Variants in HTR2B observed in about 807,000 individuals in gnomAD.
HTR2B encodes the protein 5-HT 2B receptor.
HTR2B carries 31 observed loss-of-function variants against 39.8 expected under a neutral mutation model. The ratio of observed to expected loss-of-function variants is 0.78; its 90% CI spans 0.58 to 1.05. The LOEUF is 1.05. Ranked by LOEUF, HTR2B falls within the 50% of genes least tolerant of loss-of-function variation. The pLI is 0.00. For synonymous variants in HTR2B, 210 were observed against 207.1 expected (o/e 1.01, Z -0.12); for missense variants, 562 against 578.0 (o/e 0.97, Z 0.28).
At chr2:231,119,976 A>G (rs1186094872) in intron 2 of HTR2B, among the ~76,000 whole-genome samples, 2 of 146,824 alleles carry the variant, frequency 1.4e-5, no homozygotes, top group African/African-American at 2.5e-5. Flanking sequence ...TCCCTGAGAC[A>G]GAGCCTCACC....
chr2:231,110,792 A>G (rs1367293992), intron 3 of HTR2B, among the ~76,000 whole-genome samples: 2 of 152,190 alleles, frequency 1.3e-5, no homozygotes, highest in African/African-American at 4.8e-5. Flanking sequence ...TGCCACTCCC[A>G]TTTGTTAGTA....
intron 2 of HTR2B, among the ~76,000 whole-genome samples, chr2:231,117,792 G>A (rs1486761395): frequency 6.6e-6 from 1 of 152,064 alleles, no homozygotes; most frequent in Non-Finnish European, 1.5e-5. Context: ...ATAGGTTGAC[G>A]CACAAGTATT....
chr2:231,116,168 G>T (rs1328487363), intron 2 of HTR2B, among the ~76,000 whole-genome samples: 2 of 152,124 alleles, frequency 1.3e-5, no homozygotes, highest in Non-Finnish European at 2.9e-5. Flanking sequence ...AGTGGAAAAG[G>T]ACCTTGGACA....
rs148655405 is a variant in HTR2B, at chr2:231,120,475, A to T, written c.352+2938T>A. ...ATAAAAAACTACAACTGTAAAGATC[A>T]AGTCCAGTGCTCCCAGATAGGAAGA... is the stretch of plus-strand genomic sequence containing the variant. On this transcript the variant is annotated intron_variant, in intron 2 of 3. Coordinates refer to ENST00000258400, the MANE Select transcript of HTR2B (RefSeq NM_000867.5). Among the ~76,000 whole-genome samples, 213 of 152,346 alleles carry T rather than the reference A, an allele frequency of 1.4e-3. 1 individual carries two copies. Among genetic ancestry groups the T allele is most frequent in the African/African-American group, 4.6e-3 (193 of 41,588 alleles).
chr2:231,122,975 GT>G (rs1454242977), intron 2 of HTR2B, among the ~76,000 whole-genome samples: 1 of 152,128 alleles, frequency 6.6e-6, no homozygotes, highest in East Asian at 1.9e-4. Context: ...CTGGGGTTTA[GT>G]GATTTAAATT....
Position 231,108,835 on chromosome 2 carries a change from A to C in HTR2B, c.1128T>G (p.Asn376Lys), listed in dbSNP as rs778520272. ...TATTGAAGAGGGTGTAGACCAAAGG[A>C]TTCACTCCTGAGGAAACATAGCCTA... is the stretch of plus-strand genomic sequence containing the variant. The part of the protein sequence containing the change: ...VWIGYVSSGV[N>K]PLVYTLFNKT... The change falls in exon 4 of 4, where the codon AAT becomes AAG. Residue 376 changes from asparagine to lysine, a missense_variant. Transcript: ENST00000258400. The C allele has an allele frequency of 1.9e-6, 3 of 1,614,114 alleles. No individual in the cohort carries two copies. The Admixed American group carries it at 5.0e-5, about 27-fold the overall frequency.
At chr2:231,118,834 T>C (rs560581127) in intron 2 of HTR2B, among the ~76,000 whole-genome samples, 2 of 152,352 alleles carry the variant, frequency 1.3e-5, no homozygotes, top group South Asian at 4.1e-4. Flanking sequence ...CCAAGTGGGC[T>C]GTTCCTATAG....
At chr2:231,111,197 AATT>A (rs953875276) in intron 3 of HTR2B, among the ~76,000 whole-genome samples, 9 of 152,186 alleles carry the variant, frequency 5.9e-5, no homozygotes, top group East Asian at 1.9e-4. Context: ...CTTTGACTCT[AATT>A]ATTATTATTT....
chr2:231,124,303 C>G (rs1041647356), intron 1 of HTR2B, among the ~76,000 whole-genome samples, 173 bp from the exon 2 acceptor site: 1 of 152,024 alleles, frequency 6.6e-6, no homozygotes, highest in African/African-American at 2.4e-5. Flanking sequence ...AAACAGAAGA[C>G]ACATTAATTT....
rs1031804921 is a variant in HTR2B at position 231,108,867 on chromosome 2, C to T, written c.1096G>A (p.Val366Met). ...TTLQMLLEIF[V>M]WIGYVSSGVN... ...CCTGAGGAAACATAGCCTATCCACA[C>T]AAATATCTCCAGGAGCATTTGGAGA... The change falls in exon 4 of 4, where the codon GTG (valine) becomes ATG (methionine). Residue 366 changes from valine to methionine, a missense_variant. By Grantham distance (21) the Val-to-Met change is conservative. Coordinates refer to ENST00000258400, the MANE Select transcript of HTR2B (RefSeq NM_000867.5). 6.2e-7 allele frequency: 1 copy of T among 1,614,090 alleles called. No homozygotes were observed. Among genetic ancestry groups the T allele is most frequent in the Non-Finnish European group, 8.5e-7 (1 of 1,179,986 alleles).
At position 231,111,081 on chromosome 2, in the gene HTR2B, G is replaced by C. The variant is rs907215603; in HGVS notation, c.554-1672C>G. ...TGACATTTGTTCATCTTCATCAATG[G>C]CTTCAGTACCTGCTATAGTCTTCTC... On this transcript the variant is annotated intron_variant, in intron 3 of 3. Transcript: ENST00000258400. Among the ~76,000 whole-genome samples, 5 of 151,962 alleles carry C rather than the reference G, an allele frequency of 3.3e-5. No individual in the cohort carries two copies. The East Asian group carries it at 5.8e-4, about 18-fold the overall frequency.
intron 2 of HTR2B, among the ~76,000 whole-genome samples, chr2:231,114,873 A>G (rs1559236739): frequency 6.6e-6 from 1 of 152,186 alleles, no homozygotes; most frequent in African/African-American, 2.4e-5. Context: ...TTTCAAAACA[A>G]CTAAAATTTT....
chr2:231,112,862 T>G (rs943615194), intron 3 of HTR2B, among the ~76,000 whole-genome samples: 4 of 152,158 alleles, frequency 2.6e-5, no homozygotes. Context: ...CTTAAAACTT[T>G]GAATTAAACA....
In HTR2B at chr2:231,112,970, G is replaced by A. The variant is rs895104354; in HGVS notation, c.553+759C>T. ...GCCAGAGCTCAAGAGTTTGAGACCA[G>A]CCTGGGCAACATGACAAAACCCCAC... is the stretch of plus-strand genomic sequence containing the variant. On this transcript the variant is annotated intron_variant, in intron 3 of 3. Coordinates refer to ENST00000258400, the MANE Select transcript of HTR2B (RefSeq NM_000867.5). Among the ~76,000 whole-genome samples the A allele has an allele frequency of 2.6e-5, 4 of 152,220 alleles. No individual in the cohort carries two copies. The East Asian group carries it at 7.7e-4, about 29-fold the overall frequency.
In HTR2B at chr2:231,109,169, G is replaced by T; in HGVS notation, c.794C>A (p.Ser265Tyr). Residue 265 changes from serine to tyrosine, a missense_variant, in exon 4 of 4, where the codon TCT becomes TAT. By Grantham distance (144) the Ser-to-Tyr change is moderately radical (BLOSUM62 -2). Transcript: ENST00000258400. ...TGTTTCATCCCTTTGGAAAACTGTA[G>T]ACACAGTCAACCATGTTAGGCGTTG... ...PPQRLTWLTV[S>Y]TVFQRDETPC... 6.2e-7 allele frequency: 1 copy of T among 1,614,206 alleles called. No individual in the cohort carries two copies. The highest frequency in any genetic ancestry group is 8.5e-7 in the Non-Finnish European group (1 of 1,180,036).
chr2:231,111,099 G>A (rs1002851724), intron 3 of HTR2B, among the ~76,000 whole-genome samples: 2 of 152,138 alleles, frequency 1.3e-5, no homozygotes, highest in African/African-American at 4.8e-5. Context: ...ACCTGCTATA[G>A]TCTTCTCTCC....
rs61731725 is a variant in HTR2B at position 231,109,341 on chromosome 2, C to A, written c.622G>T (p.Val208Leu). 1.3e-3 allele frequency: 2,044 copies of A among 1,614,008 alleles called. 26 individuals carry two copies. The African/African-American group carries it at 0.025, about 20-fold the overall frequency. The stretch of plus-strand genomic sequence containing the variant: ...TCGCCAAAACGTTCCTTTGTCAGCA[C>A]ACAAGTGATATTGTTTGGGTTGTCC... ...DVDNPNNITC[V>L]LTKERFGDFM... is the part of the protein sequence containing the mutation. Residue 208 changes from valine to leucine, a missense_variant, in exon 4 of 4, where the codon GTG (valine) becomes TTG (leucine). Transcript: ENST00000258400.
intron 2 of HTR2B, among the ~76,000 whole-genome samples, chr2:231,120,449 A>G (rs1421316973): frequency 1.3e-5 from 2 of 152,140 alleles, no homozygotes; most frequent in Non-Finnish European, 2.9e-5. Flanking sequence ...TGGACAAGAC[A>G]ATAAAAAACT....
chr2:231,114,518 C>T (rs1695265383), intron 2 of HTR2B, among the ~76,000 whole-genome samples: 1 of 152,092 alleles, frequency 6.6e-6, no homozygotes, highest in African/African-American at 2.4e-5. Flanking sequence ...AAAGGAATGG[C>T]TTCAGATTAT....
Sources: gnomAD v4.1 joint callset for allele counts (sites outside exome capture counted in the v4.1 genomes callset) on GRCh38, gnomAD v4.1.1 for gene constraint, MANE v1.5 for transcripts, NCBI Gene and HGNC (gene_info 2026-07-23, HGNC 2026-07-21) for gene names.